Variants in CA10 observed in about 807,000 individuals in gnomAD.
CA10 encodes carbonic anhydrase 10 (inactive), also known as carbonic anhydrase-related protein 10.
Under a neutral mutation model 44.2 loss-of-function variants are expected in CA10, and 14 were observed. The ratio of observed to expected loss-of-function variants is 0.32; its 90% CI spans 0.21 to 0.50. CA10 has a LOEUF of 0.50. CA10 is among the 20% of genes least tolerant of loss of function. The pLI is 0.99. For missense variants in CA10, 350 were observed against 409.7 expected, an observed-to-expected ratio of 0.85 and a Z score of 1.26; for synonymous variants, 159 against 141.6, an observed-to-expected ratio of 1.12 and a Z score of -0.87.
intron 2 of CA10, among the ~76,000 whole-genome samples, chr17:52,038,906 A>G (rs1456467908): frequency 3.3e-5 from 5 of 152,168 alleles, no homozygotes; most frequent in African/African-American, 1.2e-4. Context: ...ATAACATGGT[A>G]TATTTCAAGA....
intron 2 of CA10, among the ~76,000 whole-genome samples, chr17:52,068,489 C>T (rs1442502377): frequency 1.3e-5 from 2 of 152,172 alleles, no homozygotes; most frequent in African/African-American, 4.8e-5. Flanking sequence ...TCAAGTATTC[C>T]TCACATTACC....
intron 3 of CA10, among the ~76,000 whole-genome samples, chr17:51,753,354 A>C (rs968203047): frequency 6.6e-6 from 1 of 152,264 alleles, no homozygotes; most frequent in Non-Finnish European, 1.5e-5. Context: ...ATGTCTTTGC[A>C]TAGCAAACAC....
At chr17:52,027,375 T>C (rs1986334257) in intron 2 of CA10, among the ~76,000 whole-genome samples, 2 of 151,936 alleles carry the variant, frequency 1.3e-5, no homozygotes, top group African/African-American at 4.8e-5. Context: ...AGGGTGGGGG[T>C]GTTGGAGACC....
chr17:52,025,266 G>A (rs929055974), intron 2 of CA10, among the ~76,000 whole-genome samples: 1 of 152,068 alleles, frequency 6.6e-6, no homozygotes, highest in East Asian at 1.9e-4. Context: ...GCCCTAAACA[G>A]GGTCTCTGTG....
intron 3 of CA10, among the ~76,000 whole-genome samples, chr17:51,869,681 G>GA (rs1177576638): frequency 6.6e-6 from 1 of 152,130 alleles, no homozygotes; most frequent in African/African-American, 2.4e-5. Flanking sequence ...AGGCTGAGGG[G>GA]AGAGGATCAC....
chr17:51,844,529 T>C (rs1204404989), intron 3 of CA10, among the ~76,000 whole-genome samples: 2 of 152,212 alleles, frequency 1.3e-5, no homozygotes, highest in African/African-American at 4.8e-5. Flanking sequence ...GTTTTCATTT[T>C]AAGATAACTC....
At chr17:51,918,505 T>C (rs1982092602) in intron 3 of CA10, among the ~76,000 whole-genome samples, 1 of 152,190 alleles carries the variant, frequency 6.6e-6, no homozygotes, top group African/African-American at 2.4e-5. Context: ...TTTCACCCAC[T>C]GGTAAAAATG....
At chr17:51,993,948 T>C (rs1985133553) in intron 2 of CA10, among the ~76,000 whole-genome samples, 1 of 152,098 alleles carries the variant, frequency 6.6e-6, no homozygotes, top group Admixed American at 6.6e-5. Flanking sequence ...CAGTAGTTAC[T>C]CTTTTAGAGT....
Position 51,633,649 on chromosome 17 carries a change from A to T in CA10, c.791T>A (p.Met264Lys). Residue 264 changes from methionine (M) to lysine (K), a missense_variant and splice_region_variant, in exon 8 of 9, where the codon ATG becomes AAG. By Grantham distance (95) the Met-to-Lys change is moderately conservative (BLOSUM62 -1). Transcript: ENST00000451037. ...CTGGCTGAGCAGGCGCAAGGAATGCATCTGAGGAGAGAGAAGTGGCCGTGA... is the reference window on the plus strand; with the variant it reads ...CTGGCTGAGCAGGCGCAAGGAATGCTTCTGAGGAGAGAGAAGTGGCCGTGA... ...NKPVYITRMQ[M>K]HSLRLLSQNQ... The T allele has an allele frequency of 1.9e-6, 3 of 1,612,632 alleles. No individual in the cohort carries two copies. The highest frequency in any genetic ancestry group is 2.5e-6 in the Non-Finnish European group (3 of 1,179,166).
chr17:51,852,115 T>C (rs929077812), intron 3 of CA10, among the ~76,000 whole-genome samples: 10 of 152,198 alleles, frequency 6.6e-5, no homozygotes, highest in Admixed American at 1.3e-4. Context: ...CCAGCCAGCA[T>C]CATGCAGCCT....
intron 1 of CA10, among the ~76,000 whole-genome samples, chr17:52,100,263 G>T (rs1988506584): frequency 6.6e-6 from 1 of 152,170 alleles, no homozygotes; most frequent in Admixed American, 6.6e-5. Context: ...AAAGCATTAG[G>T]ATTGATTTCT....
At position 52,030,305 on chromosome 17, in the gene CA10, C is replaced by G. The variant is rs189354009; in HGVS notation, c.136+42014G>C. 2.4e-3 allele frequency among the ~76,000 whole-genome samples: 370 copies of G among 152,158 alleles called. 1 individual carries two copies. The highest frequency in any genetic ancestry group is 4.2e-3 in the Non-Finnish European group (285 of 67,946). On this transcript the variant is annotated intron_variant, in intron 2 of 8. Coordinates refer to ENST00000451037, the MANE Select transcript of CA10 (RefSeq NM_020178.5). ...TGCCGTAGGGCCTGTTGACCTTTCT[C>G]TCTTAACGATGAGTTGCAAAACAGT...
At chr17:52,063,237 T>G (rs536202923) in intron 2 of CA10, among the ~76,000 whole-genome samples, 1 of 152,338 alleles carries the variant, frequency 6.6e-6, no homozygotes, top group African/African-American at 2.4e-5. Context: ...GATGAATTGC[T>G]TTTGATTTCA....
intron 3 of CA10, among the ~76,000 whole-genome samples, chr17:51,879,627 A>C (rs1980270099): frequency 6.6e-6 from 1 of 152,224 alleles, no homozygotes; most frequent in African/African-American, 2.4e-5. Flanking sequence ...AGAGCAAGTA[A>C]GATAGGCTTG....
At chr17:52,022,088 C>T (rs943169285) in intron 2 of CA10, among the ~76,000 whole-genome samples, 1 of 152,094 alleles carries the variant, frequency 6.6e-6, no homozygotes. Flanking sequence ...GGAGAGACTC[C>T]TCCCTAATTC....
At chr17:51,830,780 AG>A (rs1394947783) in intron 3 of CA10, among the ~76,000 whole-genome samples, 2 of 152,176 alleles carry the variant, frequency 1.3e-5, no homozygotes, top group Non-Finnish European at 2.9e-5. Context: ...TGTGTCATCT[AG>A]TAGATATTTG....
intron 1 of CA10, among the ~76,000 whole-genome samples, chr17:52,143,837 T>C (rs1306865487): frequency 6.6e-6 from 1 of 152,092 alleles, no homozygotes; most frequent in Non-Finnish European, 1.5e-5. Flanking sequence ...AACCAAACAC[T>C]GGGAAAAGCT....
intron 4 of CA10, among the ~76,000 whole-genome samples, chr17:51,732,895 C>T (rs532308946): frequency 6.1e-4 from 93 of 152,158 alleles, no homozygotes; most frequent in Non-Finnish European, 1.0e-3. Context: ...AGAATAAGGC[C>T]GTCATGCAGA....
chr17:51,811,338 G>C (rs1287859605), intron 3 of CA10, among the ~76,000 whole-genome samples: 4 of 152,176 alleles, frequency 2.6e-5, no homozygotes, highest in Non-Finnish European at 5.9e-5. Context: ...TGTGCACAAC[G>C]TGCAGGTTTG....
Sources: gnomAD v4.1 joint callset for allele counts (sites outside exome capture counted in the v4.1 genomes callset) on GRCh38, gnomAD v4.1.1 for gene constraint, MANE v1.5 for transcripts, NCBI Gene and HGNC (gene_info 2026-07-23, HGNC 2026-07-21) for gene names.